Variants in SUSD1 observed in about 807,000 individuals in gnomAD.
SUSD1 encodes sushi domain containing 1.
A neutral mutation model predicts 86.9 loss-of-function variants in SUSD1; 65 were observed. The observed-to-expected ratio is 0.75, with a 90% CI of 0.61 to 0.92. The LOEUF is 0.92. Among genes scored for constraint, SUSD1 ranks in the 40% least tolerant of loss-of-function variants. The pLI, the probability that SUSD1 is intolerant of heterozygous loss-of-function variation, is 0.00. For synonymous variants in SUSD1, 346 were observed against 350.0 expected, an observed-to-expected ratio of 0.99 and a Z score of 0.13; for missense variants, 850 against 929.7, an observed-to-expected ratio of 0.91 and a Z score of 1.11.
intron 12 of SUSD1, among the ~76,000 whole-genome samples, chr9:112,068,113 T>C (rs985233999): frequency 2.0e-5 from 3 of 152,090 alleles, no homozygotes; most frequent in African/African-American, 7.2e-5. Context: ...TTCTGGGAGC[T>C]TGGAGTGTAA....
intron 12 of SUSD1, among the ~76,000 whole-genome samples, chr9:112,069,105 C>T (rs1188201023): frequency 1.1e-4 from 17 of 151,812 alleles, no homozygotes; most frequent in Admixed American, 1.0e-3. Context: ...AACGTGGCCA[C>T]CAGGGAGCCA....
At chr9:112,141,403 G>A (rs902088302) in intron 5 of SUSD1, among the ~76,000 whole-genome samples, 15 of 152,270 alleles carry the variant, frequency 9.9e-5, no homozygotes, top group African/African-American at 3.6e-4. Flanking sequence ...TCAGCCAGGC[G>A]CAGTGGCTCA....
At chr9:112,151,556 C>G (rs533850342) in intron 2 of SUSD1, among the ~76,000 whole-genome samples, 3 of 151,254 alleles carry the variant, frequency 2.0e-5, no homozygotes, top group African/African-American at 7.3e-5. Context: ...GAGATCATGC[C>G]ATTGCACTCC....
intron 15 of SUSD1, chr9:112,052,070 A>T (rs767041951): frequency 7.7e-6 from 9 of 1,162,364 alleles, no homozygotes; most frequent in Non-Finnish European, 6.7e-6. Flanking sequence ...TCCCTCTCAC[A>T]TGTCCTACAG....
intron 5 of SUSD1, among the ~76,000 whole-genome samples, chr9:112,128,820 T>A (rs1011029810): frequency 7.2e-5 from 11 of 152,198 alleles, no homozygotes; most frequent in African/African-American, 2.6e-4. Flanking sequence ...TCTTGGTGGG[T>A]TCCAAAAAGG....
Position 112,171,065 on chromosome 9 carries a change from C to A in SUSD1, c.103+4068G>T, listed in dbSNP as rs1159091233. On this transcript the variant is annotated intron_variant, in intron 1 of 16. Coordinates refer to ENST00000374270, the MANE Select transcript of SUSD1 (RefSeq NM_022486.5). The stretch of plus-strand genomic sequence containing the variant: ...CAATCTGCAGCAATCATTCCAGGAA[C>A]TCTGTAGCAATCAGCCCCAAATGGT... Among the ~76,000 whole-genome samples the A allele has an allele frequency of 2.6e-5, 4 of 152,160 alleles. No individual in the cohort carries two copies. The East Asian group carries it at 5.8e-4, about 22-fold the overall frequency.
chr9:112,083,321 G>A (rs1182386865), intron 10 of SUSD1, among the ~76,000 whole-genome samples: 2 of 152,010 alleles, frequency 1.3e-5, no homozygotes, highest in East Asian at 3.9e-4. Context: ...TCTGCCTCCT[G>A]AGTTCAAGCA....
chr9:112,125,046 A>T (rs1831712123), intron 5 of SUSD1, among the ~76,000 whole-genome samples: 1 of 152,166 alleles, frequency 6.6e-6, no homozygotes, highest in Non-Finnish European at 1.5e-5. Context: ...ACCACTCTAG[A>T]CCCAGCCAAA....
chr9:112,160,073 T>C (rs1006299887), intron 1 of SUSD1, among the ~76,000 whole-genome samples: 78 of 150,200 alleles, frequency 5.2e-4, no homozygotes, highest in Non-Finnish European at 1.6e-4. Context: ...ATAAGAAACC[T>C]GAAAAAAGGA....
intron 1 of SUSD1, among the ~76,000 whole-genome samples, chr9:112,167,127 C>G (rs1164120898): frequency 1.3e-5 from 2 of 151,114 alleles, no homozygotes; most frequent in Non-Finnish European, 3.0e-5. Flanking sequence ...TTTTTTGTCT[C>G]CCTCTTTCAC....
chr9:112,076,160 C>G (rs1216276983), intron 12 of SUSD1, among the ~76,000 whole-genome samples: 2 of 152,136 alleles, frequency 1.3e-5, no homozygotes, highest in African/African-American at 4.8e-5. Flanking sequence ...AAAGATCACT[C>G]TGAGTGCTGA....
At chr9:112,134,148 T>TA (rs1316065805) in intron 5 of SUSD1, among the ~76,000 whole-genome samples, 1 of 152,198 alleles carries the variant, frequency 6.6e-6, no homozygotes, top group Non-Finnish European at 1.5e-5. Context: ...CTGTGGAAAG[T>TA]AATTTGGAGA....
At position 112,058,795 on chromosome 9, in the gene SUSD1, T is replaced by G. The variant is rs1004222040; in HGVS notation, c.1851-109A>C. ...GAGACAAACCTCTTTCTTTGTTTTT[T>G]TGTTTTTTGTTTTTTTTGAGATGGA... On this transcript the variant is annotated intron_variant, in intron 13 of 16. Transcript: ENST00000374270. 5.8e-5 allele frequency: 81 copies of G among 1,398,618 alleles called. No individual in the cohort carries two copies. The African/African-American group carries it at 1.3e-3, about 23-fold the overall frequency. The allele number at this position is 1,398,618 out of a possible 1,614,324, so 86.6% of individuals were successfully genotyped here. A position where few individuals can be genotyped will look rare whatever the true frequency, so the allele number is the denominator to read the frequency against.
At chr9:112,104,798 A>G (rs144538421) in intron 8 of SUSD1, 193 of 152,332 alleles carry the variant, frequency 1.3e-3, no homozygotes, top group African/African-American at 4.4e-3. Context: ...TCAGACCTAG[A>G]CAGAACTTTT....
At chr9:112,123,617 T>C (rs1279812055) in intron 6 of SUSD1, among the ~76,000 whole-genome samples, 1 of 152,046 alleles carries the variant, frequency 6.6e-6, no homozygotes, top group African/African-American at 2.4e-5. Context: ...CTGGGCAACA[T>C]GGTGAAACCC....
intron 2 of SUSD1, among the ~76,000 whole-genome samples, chr9:112,152,002 C>A (rs1182622810): frequency 6.6e-6 from 1 of 151,792 alleles, no homozygotes; most frequent in Non-Finnish European, 1.5e-5. Flanking sequence ...CCATTGCACT[C>A]CAGCCTGGGC....
At chr9:112,119,224 G>C (rs1403045388) in intron 6 of SUSD1, among the ~76,000 whole-genome samples, 1 of 152,194 alleles carries the variant, frequency 6.6e-6, no homozygotes, top group Non-Finnish European at 1.5e-5. Context: ...CTGAGCCCTG[G>C]GTGTGTACGT....
chr9:112,149,195 C>T lies in SUSD1; in HGVS notation c.373+49G>A, dbSNP rs762547883. 5.0e-6 allele frequency: 8 copies of T among 1,605,650 alleles called. No homozygotes were observed. The Admixed American group carries it at 8.4e-5, about 17-fold the overall frequency. On this transcript the variant is annotated intron_variant, in intron 3 of 16. Coordinates refer to ENST00000374270, the MANE Select transcript of SUSD1 (RefSeq NM_022486.5). The stretch of plus-strand genomic sequence containing the variant: ...TATTAACAAATACACAGCCCAGATA[C>T]TATCCTGCCATCGCCAATTGTCAAC...
chr9:112,173,707 C>G (rs1458889025), intron 1 of SUSD1: 1 of 408,064 alleles, frequency 2.5e-6, no homozygotes, highest in Non-Finnish European at 4.7e-6. Flanking sequence ...TAGGCAAGAG[C>G]TGACACCCTT....
Sources: allele counts gnomAD v4.1 joint callset (sites outside exome capture counted in the v4.1 genomes callset), GRCh38; gene constraint gnomAD v4.1.1; transcripts MANE v1.5; gene names NCBI Gene and HGNC (gene_info 2026-07-23, HGNC 2026-07-21).